Variants in DEUP1 observed in about 807,000 individuals in gnomAD.
DEUP1 encodes coiled-coil domain containing 67.
Under a neutral mutation model 87.4 loss-of-function variants are expected in DEUP1, and 82 were observed. The ratio of observed to expected loss-of-function variants is 0.94; its 90% CI spans 0.78 to 1.13. The LOEUF (loss-of-function observed/expected upper bound fraction) is 1.13, where lower values mean the gene tolerates loss of function less well. Among genes scored for constraint, DEUP1 ranks in the 50% most tolerant of loss-of-function variants. The pLI is 0.00. For missense variants in DEUP1, 663 were observed against 681.5 expected, an observed-to-expected ratio of 0.97 and a Z score of 0.30; for synonymous variants, 214 against 222.7, an observed-to-expected ratio of 0.96 and a Z score of 0.35.
rs535384396 is a variant in DEUP1, at chr11:93,330,752, G to A, written c.-65G>A. 3 of 152,594 alleles carry A rather than the reference G, an allele frequency of 2.0e-5. No homozygotes were observed. Among genetic ancestry groups the A allele is most frequent in the African/African-American group, 7.2e-5 (3 of 41,568 alleles). The allele number at this position is 152,594 out of a possible 1,614,324, so 9.5% of individuals were successfully genotyped here. A position where few individuals can be genotyped will look rare whatever the true frequency, so the allele number is the denominator to read the frequency against. On this transcript the variant is annotated 5_prime_UTR_variant, in exon 1 of 14. Coordinates refer to ENST00000298050, the MANE Select transcript of DEUP1 (RefSeq NM_181645.4). ...CTGCGCCCTCGCCTCAGACCTCTCGGGCGAGCGCGGCGCAGCGCAGGTAAT... is the reference window on the plus strand; with the variant it reads ...CTGCGCCCTCGCCTCAGACCTCTCGAGCGAGCGCGGCGCAGCGCAGGTAAT...
intron 7 of DEUP1, among the ~76,000 whole-genome samples, chr11:93,373,835 A>T (rs1945896221): frequency 1.3e-5 from 2 of 151,896 alleles, no homozygotes; most frequent in South Asian, 2.1e-4. Flanking sequence ...CAAATGGTAG[A>T]TCTACCTTGA....
intron 4 of DEUP1, among the ~76,000 whole-genome samples, chr11:93,357,638 C>G (rs541464958): frequency 7.9e-5 from 12 of 152,162 alleles, no homozygotes; most frequent in African/African-American, 2.9e-4. Flanking sequence ...TTGAGTATGT[C>G]AAATGTAGTA....
In DEUP1 at chr11:93,357,026, C is replaced by G; in HGVS notation, c.280C>G (p.Gln94Glu). Reference sequence around the variant, plus strand: ...GACTCAGAATTATGAAGGACAACTACAAAGCCTAAAGGCTCAAGTAAGAAA... The same window carrying G: ...GACTCAGAATTATGAAGGACAACTAGAAAGCCTAAAGGCTCAAGTAAGAAA... Reference protein sequence around the residue: ...AMTQNYEGQLQSLKAQFSKLT... With the variant: ...AMTQNYEGQLESLKAQFSKLT... The change falls in exon 4 of 14, where the codon CAA becomes GAA. Residue 94 changes from glutamine (Q) to glutamate (E), a missense_variant. Transcript: ENST00000298050. 6.3e-7 allele frequency: 1 copy of G among 1,585,236 alleles called. No homozygotes were observed. The highest frequency in any genetic ancestry group is 8.6e-7 in the Non-Finnish European group (1 of 1,164,512).
At chr11:93,352,005 G>T (rs1196457518) in intron 2 of DEUP1, among the ~76,000 whole-genome samples, 1 of 152,166 alleles carries the variant, frequency 6.6e-6, no homozygotes, top group Non-Finnish European at 1.5e-5. Flanking sequence ...TGGTATACAG[G>T]AAGACACATT....
At chr11:93,395,607 C>T (rs1167941782) in intron 10 of DEUP1, among the ~76,000 whole-genome samples, 5 of 151,986 alleles carry the variant, frequency 3.3e-5, no homozygotes, top group African/African-American at 9.7e-5. Context: ...TATTTTTGTA[C>T]GTTTTCTAGG....
At chr11:93,405,504 T>A (rs1947244746) in intron 11 of DEUP1, among the ~76,000 whole-genome samples, 1 of 151,936 alleles carries the variant, frequency 6.6e-6, no homozygotes, top group Non-Finnish European at 1.5e-5. Context: ...CCTGTATTGA[T>A]TTGTGGAAAA....
intron 8 of DEUP1, among the ~76,000 whole-genome samples, chr11:93,385,900 T>G (rs996854975): frequency 6.6e-6 from 1 of 151,844 alleles, no homozygotes; most frequent in African/African-American, 2.4e-5. Flanking sequence ...AAAAAAATTT[T>G]TTATTACCTG....
chr11:93,409,560 T>C (rs1181133469), intron 12 of DEUP1, among the ~76,000 whole-genome samples: 1 of 152,178 alleles, frequency 6.6e-6, no homozygotes, highest in Non-Finnish European at 1.5e-5. Context: ...ATATTTGATA[T>C]CAATTTATTA....
chr11:93,438,315 A>C lies in DEUP1; in HGVS notation c.*596A>C, dbSNP rs999408321. 6.6e-6 allele frequency: 1 copy of C among 152,160 alleles called. No homozygotes were observed. The highest frequency in any genetic ancestry group is 2.4e-5 in the African/African-American group (1 of 41,426). The allele number at this position is 152,160 out of a possible 1,614,324, so 9.4% of individuals were successfully genotyped here. A position where few individuals can be genotyped will look rare whatever the true frequency, so the allele number is the denominator to read the frequency against. On this transcript the variant is annotated 3_prime_UTR_variant, in exon 14 of 14. Transcript: ENST00000298050. ...GGTATATGGAATGTGCAATTTACAA[A>C]CCTAAAATATATGTGCCAAAAATTA...
At chr11:93,342,169 C>A (rs1319271022) in intron 2 of DEUP1, among the ~76,000 whole-genome samples, 4 of 152,086 alleles carry the variant, frequency 2.6e-5, no homozygotes, top group Admixed American at 6.5e-5. Context: ...TCTTTGGGGA[C>A]AATTTTTCAG....
At chr11:93,390,745 C>T (rs1358836008) in intron 9 of DEUP1, among the ~76,000 whole-genome samples, 1 of 151,976 alleles carries the variant, frequency 6.6e-6, no homozygotes. Context: ...CACTAAATAC[C>T]AGAATGCTGT....
At chr11:93,330,632 CGCGCGGCGGGAGGGCCCAGGCGGCGGGA>C (rs986800504), upstream of DEUP1, 1 of 152,650 alleles carries the variant, frequency 6.6e-6, no homozygotes, top group African/African-American at 2.4e-5. Context: ...CCTCGTTGGT[CGCGCGGCGGGAGGGCCCAGGCGGCGGGA>C]GCGCGGCGGC....
At position 93,332,215 on chromosome 11, in the gene DEUP1, G is replaced by A. The variant is rs1943526662; in HGVS notation, c.-44-1G>A. 6.4e-7 allele frequency: 1 copy of A among 1,563,312 alleles called. No individual in the cohort carries two copies. Among genetic ancestry groups the A allele is most frequent in the East Asian group, 2.3e-5 (1 of 44,040 alleles). On this transcript the variant is annotated splice_acceptor_variant, in intron 1 of 13. Transcript: ENST00000298050. LOFTEE classifies it low-confidence loss of function (5UTR_SPLICE). The stretch of plus-strand genomic sequence containing the variant: ...AACTTGTATCATTTTCCTCCTAACA[G>A]ATTAAAAATCAAGAAATATAAACCA...
chr11:93,360,512 C>T (rs1302471077), intron 4 of DEUP1, among the ~76,000 whole-genome samples: 2 of 152,122 alleles, frequency 1.3e-5, no homozygotes, highest in African/African-American at 2.4e-5. Flanking sequence ...GATTTTAAAG[C>T]AGCTGTTATA....
intron 11 of DEUP1, 42 bp from the exon 12 acceptor site, chr11:93,408,189 T>C (rs976844619): frequency 7.4e-7 from 1 of 1,350,654 alleles, no homozygotes; most frequent in East Asian, 2.7e-5. Flanking sequence ...GCATTACTTA[T>C]AAGGGGCAGT....
At chr11:93,355,275 GAA>G in intron 2 of DEUP1, 94 bp from the exon 3 acceptor site, 1 of 1,065,382 alleles carries the variant, frequency 9.4e-7, no homozygotes. Context: ...ACAATTTCAG[GAA>G]ATAATGTTCA....
intron 4 of DEUP1, among the ~76,000 whole-genome samples, chr11:93,359,399 A>G (rs983425895): frequency 1.3e-5 from 2 of 152,288 alleles, no homozygotes; most frequent in East Asian, 3.9e-4. Flanking sequence ...AAGTACATAA[A>G]TTTGAGGCTT....
intron 9 of DEUP1, among the ~76,000 whole-genome samples, chr11:93,389,523 T>A (rs998483210): frequency 6.7e-6 from 1 of 148,464 alleles, no homozygotes; most frequent in African/African-American, 2.5e-5. Context: ...AAGTTTGTGA[T>A]GAGGATTAAA....
intron 13 of DEUP1, among the ~76,000 whole-genome samples, chr11:93,416,504 C>G (rs1284493555): frequency 3.3e-5 from 5 of 151,940 alleles, no homozygotes; most frequent in Non-Finnish European, 7.4e-5. Context: ...CTGAATAGAC[C>G]AATAACAGGA....
Sources: allele counts gnomAD v4.1 joint callset (sites outside exome capture counted in the v4.1 genomes callset), GRCh38; gene constraint gnomAD v4.1.1; transcripts MANE v1.5; gene names NCBI Gene and HGNC (gene_info 2026-07-23, HGNC 2026-07-21).